The following PLEKHG7 variants were observed in gnomAD, a reference collection of about 807,000 sequenced individuals.
PLEKHG7 encodes pleckstrin homology domain-containing family G member 7.
Under a neutral mutation model 85.2 loss-of-function variants are expected in PLEKHG7, and 77 were observed. That is an observed-to-expected ratio of 0.90 (90% confidence interval 0.75 to 1.09). PLEKHG7 has a LOEUF of 1.09. Among genes scored for constraint, PLEKHG7 ranks in the 50% least tolerant of loss-of-function variants. PLEKHG7 has a pLI of 0.00. For synonymous variants in PLEKHG7, 301 were observed against 302.4 expected (o/e 1.00, Z 0.05); for missense variants, 777 against 804.3 (o/e 0.97, Z 0.41).
rs1308258216 is a variant in PLEKHG7 at position 92,749,937 on chromosome 12, TTTA to T, written c.1252-4151_1252-4149del. 3.4e-3 allele frequency among the ~76,000 whole-genome samples: 424 copies of T among 123,014 alleles called. 6 individuals carry two copies. The highest frequency in any genetic ancestry group is 0.011 in the African/African-American group (370 of 32,544). The allele number at this position is 123,014 out of a possible 152,430, so 80.7% of individuals were successfully genotyped here. On this transcript the variant is annotated intron_variant, in intron 10 of 16. Transcript: ENST00000344636. ...TTTTATTTTATTTTATTTATTTTAT[TTTA>T]TATTTTATTTTATTTTATATTTTAT...
At chr12:92,754,454 G>A (rs528085253) in intron 11 of PLEKHG7, among the ~76,000 whole-genome samples, 190 bp downstream of exon 11, 4 of 152,214 alleles carry the variant, frequency 2.6e-5, no homozygotes, top group Admixed American at 1.3e-4. Context: ...ACATCCTGGC[G>A]AACCCTATGA....
At chr12:92,757,186 T>G (rs950761046) in intron 13 of PLEKHG7, among the ~76,000 whole-genome samples, 9 of 152,252 alleles carry the variant, frequency 5.9e-5, no homozygotes, top group African/African-American at 1.9e-4. Context: ...AGTGATCTCC[T>G]GTGCTTCAGT....
chr12:92,721,417 G>A, intron 3 of PLEKHG7: 1 of 1,210,734 alleles, frequency 8.3e-7, no homozygotes, highest in Non-Finnish European at 1.0e-6. Context: ...CTTCAGCAGA[G>A]CATAGAATAA....
At chr12:92,759,117 T>C (rs1436545130) in intron 13 of PLEKHG7, among the ~76,000 whole-genome samples, 1 of 152,226 alleles carries the variant, frequency 6.6e-6, no homozygotes, top group Non-Finnish European at 1.5e-5. Context: ...TTAAAAACTG[T>C]ACTCTTATAA....
chr12:92,746,752 CA>C (rs1161799544), intron 10 of PLEKHG7, among the ~76,000 whole-genome samples: 1 of 152,110 alleles, frequency 6.6e-6, no homozygotes, highest in African/African-American at 2.4e-5. Flanking sequence ...TGATTTTTGA[CA>C]AAGGCACCAA....
chr12:92,761,643 A>AAGAAAG (rs1565797583), intron 13 of PLEKHG7, 109 bp from the exon 14 acceptor site: 8 of 533,052 alleles, frequency 1.5e-5, no homozygotes, highest in African/African-American at 6.6e-5. Context: ...AGAAAGAAAG[A>AAGAAAG]AAGAAAGAAA....
Position 92,764,133 on chromosome 12 carries a change from C to G in PLEKHG7, c.1809C>G (p.Leu603=), listed in dbSNP as rs371376803. The G allele has an allele frequency of 1.9e-6, 3 of 1,611,806 alleles. No homozygotes were observed. Among genetic ancestry groups the G allele is most frequent in the South Asian group, 1.1e-5 (1 of 90,762 alleles). ...AAGAGGGTGGTTCGTGTACAGTACTCGATCAGCCTATTCCACTAGATAGAT... is the reference window on the plus strand; with the variant it reads ...AAGAGGGTGGTTCGTGTACAGTACTGGATCAGCCTATTCCACTAGATAGAT... ...VIKEGGSCTV[L]DQPIPLDRLV... Residue 603 remains leucine, a synonymous_variant, in exon 15 of 17, where the codon CTC becomes CTG. Coordinates refer to ENST00000344636, the MANE Select transcript of PLEKHG7 (RefSeq NM_001377329.1).
At chr12:92,711,556 A>G (rs905839485) in intron 3 of PLEKHG7, among the ~76,000 whole-genome samples, 3 of 151,910 alleles carry the variant, frequency 2.0e-5, no homozygotes, top group African/African-American at 7.3e-5. Flanking sequence ...TCGCATGGTG[A>G]CTTGATGACC....
intron 2 of PLEKHG7, 29 bp from the exon 3 acceptor site, chr12:92,707,620 TA>T (rs1288247632): frequency 6.2e-6 from 10 of 1,609,712 alleles, no homozygotes; most frequent in Admixed American, 5.0e-5. Flanking sequence ...TGAGCAAGAC[TA>T]AAACATATGT....
intron 2 of PLEKHG7, 88 bp downstream of exon 2, chr12:92,707,226 G>T (rs1392000215): frequency 6.7e-7 from 1 of 1,484,916 alleles, no homozygotes; most frequent in Non-Finnish European, 8.9e-7. Context: ...CCAAGGGCCA[G>T]TAGATCCTAA....
chr12:92,726,948 T>C (rs1871833348), intron 3 of PLEKHG7, among the ~76,000 whole-genome samples: 1 of 152,200 alleles, frequency 6.6e-6, no homozygotes, highest in South Asian at 2.1e-4. Flanking sequence ...TGAGGCAGTA[T>C]GCATGATTTG....
intron 9 of PLEKHG7, among the ~76,000 whole-genome samples, chr12:92,744,760 G>T (rs972316709): frequency 6.6e-6 from 1 of 151,818 alleles, no homozygotes; most frequent in African/African-American, 2.4e-5. Flanking sequence ...CCACCTCCTG[G>T]GTTCAAGCAA....
At chr12:92,733,729 G>C (rs1872058801) in intron 5 of PLEKHG7, among the ~76,000 whole-genome samples, 1 of 152,212 alleles carries the variant, frequency 6.6e-6, no homozygotes, top group African/African-American at 2.4e-5. Context: ...AGGGCTGCCT[G>C]AGAGATAGAA....
chr12:92,716,230 G>A (rs1457700115), intron 3 of PLEKHG7, among the ~76,000 whole-genome samples: 2 of 152,008 alleles, frequency 1.3e-5, no homozygotes, highest in Non-Finnish European at 2.9e-5. Context: ...CCGAGTAGGT[G>A]GGATTACAGG....
chr12:92,714,377 G>C (rs913977425), intron 3 of PLEKHG7, among the ~76,000 whole-genome samples: 2 of 152,184 alleles, frequency 1.3e-5, no homozygotes, highest in African/African-American at 2.4e-5. Context: ...AGCTTCATCA[G>C]CGTCCTCCCG....
At chr12:92,726,453 T>C (rs1871817965) in intron 3 of PLEKHG7, among the ~76,000 whole-genome samples, 1 of 152,194 alleles carries the variant, frequency 6.6e-6, no homozygotes, top group Non-Finnish European at 1.5e-5. Context: ...TAACTATTAT[T>C]TGTTGGTGAA....
chr12:92,758,110 A>G (rs1565796646), intron 13 of PLEKHG7, among the ~76,000 whole-genome samples: 1 of 152,226 alleles, frequency 6.6e-6, no homozygotes, highest in Non-Finnish European at 1.5e-5. Context: ...TATGACAAGA[A>G]CAAATCAAAG....
At chr12:92,709,372 T>A (rs1423991771) in intron 3 of PLEKHG7, among the ~76,000 whole-genome samples, 2 of 152,222 alleles carry the variant, frequency 1.3e-5, no homozygotes, top group African/African-American at 4.8e-5. Context: ...AAGGTGTCCA[T>A]TCACTGACCT....
chr12:92,754,009 A>T, intron 10 of PLEKHG7, 81 bp from the exon 11 acceptor site: 1 of 1,436,812 alleles, frequency 7.0e-7, no homozygotes, highest in Non-Finnish European at 9.5e-7. Flanking sequence ...TAAAATCTCC[A>T]AGAACCTCTC....
Sources: gnomAD v4.1 joint callset for allele counts (sites outside exome capture counted in the v4.1 genomes callset) on GRCh38, gnomAD v4.1.1 for gene constraint, MANE v1.5 for transcripts, NCBI Gene and HGNC (gene_info 2026-07-23, HGNC 2026-07-21) for gene names.